The following ATXN7 variants were observed in gnomAD, a reference collection of about 807,000 sequenced individuals.
ATXN7 encodes ataxin-7.
A neutral mutation model predicts 70.5 loss-of-function variants in ATXN7; 12 were observed. That is an observed-to-expected ratio of 0.17 (90% confidence interval 0.11 to 0.28). The LOEUF (loss-of-function observed/expected upper bound fraction) is 0.28, where lower values mean the gene tolerates loss of function less well. Ranked by LOEUF, ATXN7 falls within the 10% of genes least tolerant of loss-of-function variation. ATXN7 has a pLI of 1.00. For synonymous variants in ATXN7, 498 were observed against 448.7 expected (o/e 1.11, Z -1.39); for missense variants, 1,256 against 1,131.7 (o/e 1.11, Z -1.58).
At chr3:63,870,888 C>G (rs1042975852) in intron 1 of ATXN7, among the ~76,000 whole-genome samples, 5 of 152,082 alleles carry the variant, frequency 3.3e-5, no homozygotes, top group African/African-American at 1.2e-4. Flanking sequence ...GAGATTAGCT[C>G]TAGGATTGGT....
chr3:63,900,668 C>G (rs906451988), intron 2 of ATXN7: 1 of 152,328 alleles, frequency 6.6e-6, no homozygotes, highest in African/African-American at 2.4e-5. Flanking sequence ...GCCAGAGGAG[C>G]TCTTTAGTGC....
intron 5 of ATXN7, among the ~76,000 whole-genome samples, chr3:63,954,718 T>G (rs1377441381): frequency 6.7e-6 from 1 of 148,882 alleles, no homozygotes; most frequent in Non-Finnish European, 1.5e-5. Flanking sequence ...TTTGTTTTTT[T>G]TTTTTTTTGA....
At chr3:63,871,919 T>G (rs1448065979) in intron 1 of ATXN7, among the ~76,000 whole-genome samples, 2 of 152,230 alleles carry the variant, frequency 1.3e-5, no homozygotes, top group East Asian at 3.8e-4. Context: ...ATTGTTCCTT[T>G]TTTTTCCTTA....
chr3:63,930,399 G>A (rs1704901645), intron 4 of ATXN7, among the ~76,000 whole-genome samples: 1 of 152,154 alleles, frequency 6.6e-6, no homozygotes, highest in African/African-American at 2.4e-5. Context: ...ATCCCTTTGT[G>A]TGTAGCCCCT....
chr3:63,883,091 C>T (rs1002139900), intron 1 of ATXN7, among the ~76,000 whole-genome samples: 2 of 152,138 alleles, frequency 1.3e-5, no homozygotes, highest in Admixed American at 6.5e-5. Flanking sequence ...GCTTGGCTTA[C>T]CTTCCATCAA....
At chr3:63,902,884 T>C (rs1703698148) in intron 2 of ATXN7, among the ~76,000 whole-genome samples, 1 of 152,192 alleles carries the variant, frequency 6.6e-6, no homozygotes, top group Non-Finnish European at 1.5e-5. Flanking sequence ...TCTTTTAAAA[T>C]AATCATCCTG....
chr3:63,996,198 TGTGATG>T lies in ATXN7; in HGVS notation c.2381_2386del (p.Met794_Val795del). ...CTGCTGAATCCATCAAGAGGATGAG[TGTGATG>T]GTGAACAGCAGTGATTCTACTCTTT... On this transcript the variant is annotated inframe_deletion, in exon 12 of 13. Transcript: ENST00000674280. 1 of 1,613,944 alleles carries T rather than the reference TGTGATG, an allele frequency of 6.2e-7. No individual in the cohort carries two copies. Among genetic ancestry groups the T allele is most frequent in the Non-Finnish European group, 8.5e-7 (1 of 1,179,984 alleles).
chr3:63,912,056 G>A (rs1205894226), intron 2 of ATXN7: 1 of 152,288 alleles, frequency 6.6e-6, no homozygotes, highest in Non-Finnish European at 1.5e-5. Context: ...CCGGCAAGTG[G>A]GAGGAGGCGG....
At chr3:63,921,991 A>G (rs1704528626) in intron 4 of ATXN7, among the ~76,000 whole-genome samples, 1 of 152,176 alleles carries the variant, frequency 6.6e-6, no homozygotes, top group Non-Finnish European at 1.5e-5. Flanking sequence ...CTGGCATGAC[A>G]GAGTGTAGCA....
Position 63,995,961 on chromosome 3 carries a change from G to C in ATXN7, c.2139G>C (p.Leu713=). ...AGAAACGCAAAAACAGTTCCCCACT[G>C]TTGGTTCACTCTTCCTCCTCCTCTT... is the stretch of plus-strand genomic sequence containing the variant. ...SGKKRKNSSP[L]LVHSSSSSSS... Residue 713 remains leucine (L), a synonymous_variant, in exon 12 of 13, where the codon CTG becomes CTC. Coordinates refer to ENST00000674280, the MANE Select transcript of ATXN7 (RefSeq NM_001377405.1). 1.9e-6 allele frequency: 3 copies of C among 1,614,124 alleles called. No homozygotes were observed. The highest frequency in any genetic ancestry group is 2.5e-6 in the Non-Finnish European group (3 of 1,179,988).
chr3:63,906,943 C>T (rs1029810294), intron 2 of ATXN7, among the ~76,000 whole-genome samples: 6 of 152,158 alleles, frequency 3.9e-5, no homozygotes, highest in African/African-American at 1.2e-4. Context: ...TTATTTTATC[C>T]GTCAGTGGGG....
At chr3:63,942,767 C>T (rs1287383107) in intron 4 of ATXN7, among the ~76,000 whole-genome samples, 1 of 152,190 alleles carries the variant, frequency 6.6e-6, no homozygotes. Flanking sequence ...TGCTCCATGC[C>T]AAACACAGTT....
At chr3:63,986,722 T>A (rs1010237302) in intron 8 of ATXN7, among the ~76,000 whole-genome samples, 10 of 152,216 alleles carry the variant, frequency 6.6e-5, no homozygotes, top group Non-Finnish European at 8.8e-5. Context: ...CACATTTGTC[T>A]GTGCCAGGTT....
chr3:63,997,182 C>T (rs764103675), intron 12 of ATXN7, among the ~76,000 whole-genome samples: 6 of 152,110 alleles, frequency 3.9e-5, no homozygotes, highest in East Asian at 1.9e-4. Context: ...TGCTTGAACA[C>T]GGGAGGCGGA....
Position 63,945,131 on chromosome 3 carries a change from A to G in ATXN7, c.395-7248A>G, listed in dbSNP as rs150159257. ...CTTGAGCTAACTTTATTGAGTGATTACTATCAGTAGTACTAAGCGCTCTCC... is the reference window on the plus strand; with the variant it reads ...CTTGAGCTAACTTTATTGAGTGATTGCTATCAGTAGTACTAAGCGCTCTCC... On this transcript the variant is annotated intron_variant, in intron 4 of 12. Coordinates refer to ENST00000674280, the MANE Select transcript of ATXN7 (RefSeq NM_001377405.1). Among the ~76,000 whole-genome samples the G allele has an allele frequency of 2.6e-4, 39 of 152,308 alleles. No homozygotes were observed. In the East Asian group the frequency reaches 7.5e-3, roughly 29 times the overall value.
chr3:63,958,933 G>A (rs200285835), intron 5 of ATXN7, among the ~76,000 whole-genome samples: 20 of 152,132 alleles, frequency 1.3e-4, no homozygotes, highest in Middle Eastern at 6.8e-3. Context: ...AAAAAAATTC[G>A]GAGACAATAT....
At chr3:63,987,502 C>T (rs1050510123) in intron 8 of ATXN7, among the ~76,000 whole-genome samples, 4 of 152,180 alleles carry the variant, frequency 2.6e-5, no homozygotes, top group African/African-American at 9.7e-5. Flanking sequence ...GGCAGTCTGT[C>T]TGCAGAATGC....
chr3:63,939,007 T>C (rs909658677), intron 4 of ATXN7, among the ~76,000 whole-genome samples: 2 of 152,126 alleles, frequency 1.3e-5, no homozygotes, highest in South Asian at 4.1e-4. Context: ...TTTAATTTTT[T>C]TTTTTGCATA....
intron 11 of ATXN7, among the ~76,000 whole-genome samples, chr3:63,993,930 G>A (rs185324637): frequency 6.6e-6 from 1 of 152,226 alleles, no homozygotes; most frequent in East Asian, 1.9e-4. Context: ...ATTCTAGGGT[G>A]GGGCCCAGGA....
Sources: allele counts gnomAD v4.1 joint callset (sites outside exome capture counted in the v4.1 genomes callset), GRCh38; gene constraint gnomAD v4.1.1; transcripts MANE v1.5; gene names NCBI Gene and HGNC (gene_info 2026-07-23, HGNC 2026-07-21).